Variants in QKI observed in about 807,000 individuals in gnomAD.
QKI encodes the protein KH domain-containing RNA-binding protein QKI.
In QKI, 10 loss-of-function variants were observed where a neutral mutation model predicts 39.0. The observed-to-expected ratio is 0.26, with a 90% CI of 0.16 to 0.43. The LOEUF (loss-of-function observed/expected upper bound fraction) is 0.43, where lower values mean the gene tolerates loss of function less well. QKI is among the 20% of genes least tolerant of loss of function. The pLI, the probability that QKI is intolerant of heterozygous loss-of-function variation, is 1.00. For synonymous variants in QKI, 204 were observed against 155.4 expected (o/e 1.31, Z -2.33); for missense variants, 218 against 428.0 (o/e 0.51, Z 4.33).
intron 1 of QKI, among the ~76,000 whole-genome samples, chr6:163,426,121 A>C (rs1370346211): frequency 6.6e-6 from 1 of 152,202 alleles, no homozygotes; most frequent in African/African-American, 2.4e-5. Flanking sequence ...TAACCAGTCC[A>C]TATTCAGATT....
At chr6:163,440,753 T>G (rs541402648) in intron 1 of QKI, among the ~76,000 whole-genome samples, 99 of 152,324 alleles carry the variant, frequency 6.5e-4, no homozygotes, top group Non-Finnish European at 1.2e-3. Context: ...ATGTCTGTAT[T>G]TGCACATGAC....
chr6:163,486,338 A>C (rs2128227312), intron 3 of QKI, among the ~76,000 whole-genome samples: 1 of 152,350 alleles, frequency 6.6e-6, no homozygotes, highest in South Asian at 2.1e-4. Flanking sequence ...ATTTGGCCAT[A>C]GTCTCCCCTT....
intron 4 of QKI, among the ~76,000 whole-genome samples, chr6:163,537,032 G>A (rs529861190): frequency 6.6e-5 from 10 of 152,098 alleles, no homozygotes; most frequent in Non-Finnish European, 8.8e-5. Context: ...AACATAGCAA[G>A]ACCCCTTTAT....
At chr6:163,563,349 T>G (rs1783148253) in intron 5 of QKI, 71 bp from the exon 6 acceptor site, 2 of 1,341,980 alleles carry the variant, frequency 1.5e-6, no homozygotes, top group South Asian at 2.9e-5. Flanking sequence ...TTTTTCCTAC[T>G]CCCTTCTCAT....
In QKI at chr6:163,567,964, A is replaced by G. The variant is rs988390264; in HGVS notation, c.1009+1169A>G. On this transcript the variant is annotated intron_variant, in intron 7 of 7. Coordinates refer to ENST00000361752, the MANE Select transcript of QKI (RefSeq NM_006775.3). ...CATGCCTTTCCCAAAGACATTGTTA[A>G]TATTTGTTTAGCATAATCCATAAAG... is the stretch of plus-strand genomic sequence containing the variant. 1.5e-5 allele frequency: 15 copies of G among 985,042 alleles called. No individual in the cohort carries two copies. In the Admixed American group the frequency reaches 2.5e-4, roughly 16 times the overall value. The allele number at this position is 985,042 out of a possible 1,614,324, so 61.0% of individuals were successfully genotyped here. A position where few individuals can be genotyped will look rare whatever the true frequency, so the allele number is the denominator to read the frequency against.
intron 3 of QKI, among the ~76,000 whole-genome samples, chr6:163,498,954 A>G (rs1225909569): frequency 3.3e-5 from 5 of 152,122 alleles, no homozygotes; most frequent in Admixed American, 3.3e-4. Context: ...ACCGAATACT[A>G]AACACGAAAT....
At position 163,557,751 on chromosome 6, in the gene QKI, T is replaced by C. The variant is rs976401173; in HGVS notation, c.547-4231T>C. 6.6e-5 allele frequency among the ~76,000 whole-genome samples: 10 copies of C among 152,166 alleles called. 1 individual carries two copies. Among genetic ancestry groups the C allele is most frequent in the Admixed American group, 2.6e-4 (4 of 15,284 alleles). On this transcript the variant is annotated intron_variant, in intron 4 of 7. Coordinates refer to ENST00000361752, the MANE Select transcript of QKI (RefSeq NM_006775.3). ...ACCCTGATGTGATTAATATGCATTA[T>C]ATGCCTGTATCAAAATATCACATGT...
intron 2 of QKI, among the ~76,000 whole-genome samples, chr6:163,468,742 G>C (rs779456838): frequency 1.9e-4 from 29 of 151,918 alleles, no homozygotes; most frequent in Non-Finnish European, 3.2e-4. Flanking sequence ...GTTGCACTTA[G>C]CTCAGGCTGT....
At chr6:163,511,556 A>G (rs1456879151) in intron 3 of QKI, among the ~76,000 whole-genome samples, 1 of 152,046 alleles carries the variant, frequency 6.6e-6, no homozygotes, top group Non-Finnish European at 1.5e-5. Flanking sequence ...GCCTTTTAAG[A>G]GAATATCATA....
intron 1 of QKI, chr6:163,416,298 TAAG>T (rs1420106923): frequency 9.4e-6 from 2 of 213,444 alleles, no homozygotes; most frequent in South Asian, 5.8e-5. Flanking sequence ...GGAATTTCCT[TAAG>T]AAGTTCTCAT....
At position 163,564,882 on chromosome 6, in the gene QKI, G is replaced by T. The variant is rs1313756665; in HGVS notation, c.934+1163G>T. 2.5e-5 allele frequency: 34 copies of T among 1,368,094 alleles called. No individual in the cohort carries two copies. In the East Asian group the frequency reaches 3.7e-4, roughly 15 times the overall value. The allele number at this position is 1,368,094 out of a possible 1,614,324, so 84.7% of individuals were successfully genotyped here. On this transcript the variant is annotated intron_variant, in intron 6 of 7. Coordinates refer to ENST00000361752, the MANE Select transcript of QKI (RefSeq NM_006775.3). ...GCATGCTGTTGACTTTTAGGACTTTGATCTTTTAAGGTTTTTTTTCCCCAG... is the reference window on the plus strand; with the variant it reads ...GCATGCTGTTGACTTTTAGGACTTTTATCTTTTAAGGTTTTTTTTCCCCAG...
At chr6:163,457,610 T>G in intron 2 of QKI, 1 of 343,052 alleles carries the variant, frequency 2.9e-6, no homozygotes, top group Non-Finnish European at 5.8e-6. Flanking sequence ...CGATGCATGC[T>G]GAAGTATGAG....
At chr6:163,476,027 A>G (rs919563282) in intron 2 of QKI, among the ~76,000 whole-genome samples, 3 of 152,226 alleles carry the variant, frequency 2.0e-5, no homozygotes, top group Admixed American at 2.0e-4. Context: ...AGAAAAACAC[A>G]GGAAACTTCA....
At chr6:163,451,639 TG>T (rs1303599896) in intron 1 of QKI, among the ~76,000 whole-genome samples, 2 of 152,188 alleles carry the variant, frequency 1.3e-5, no homozygotes, top group Non-Finnish European at 2.9e-5. Flanking sequence ...CTGGGGTTCA[TG>T]TTGGGAGATT....
At chr6:163,520,142 C>G (rs1198048100) in intron 3 of QKI, among the ~76,000 whole-genome samples, 1 of 152,114 alleles carries the variant, frequency 6.6e-6, no homozygotes. Flanking sequence ...CACCATGTCT[C>G]TGAAACTTGA....
At chr6:163,512,543 CCA>C (rs1562501164) in intron 3 of QKI, among the ~76,000 whole-genome samples, 6 of 151,996 alleles carry the variant, frequency 3.9e-5, no homozygotes, top group Non-Finnish European at 1.5e-5. Context: ...GCTCAGAAGT[CCA>C]CAGTCATACT....
At chr6:163,566,482 T>G (rs1439763061) in intron 6 of QKI, 1 of 1,336,148 alleles carries the variant, frequency 7.5e-7, no homozygotes, top group Non-Finnish European at 9.6e-7. Context: ...ACTTGGGGAT[T>G]GTAAATGAAT....
At chr6:163,562,956 G>C (rs549922885) in intron 5 of QKI, among the ~76,000 whole-genome samples, 1 of 152,272 alleles carries the variant, frequency 6.6e-6, no homozygotes, top group East Asian at 1.9e-4. Flanking sequence ...ATACCTAGTG[G>C]TTACTTGACT....
chr6:163,538,188 A>T (rs964320371), intron 4 of QKI, among the ~76,000 whole-genome samples: 1 of 152,198 alleles, frequency 6.6e-6, no homozygotes, highest in African/African-American at 2.4e-5. Context: ...TGGAGGATAC[A>T]CCAATAATAA....
Sources: allele counts gnomAD v4.1 joint callset (sites outside exome capture counted in the v4.1 genomes callset), GRCh38; gene constraint gnomAD v4.1.1; transcripts MANE v1.5; gene names NCBI Gene and HGNC (gene_info 2026-07-23, HGNC 2026-07-21).